BCL2L13: variants seen among roughly 807,000 people sequenced by gnomAD.
BCL2L13 encodes BCL2 like 13, also known as bcl-2-like protein 13.
In BCL2L13, 13 loss-of-function variants were observed where a neutral mutation model predicts 25.8. The observed-to-expected ratio is 0.50, with a 90% CI of 0.33 to 0.80. The LOEUF (loss-of-function observed/expected upper bound fraction) is 0.80, where lower values mean the gene tolerates loss of function less well. Among genes scored for constraint, BCL2L13 ranks in the 30% least tolerant of loss-of-function variants. BCL2L13 has a pLI of 0.02. For synonymous variants in BCL2L13, 244 were observed against 230.3 expected, an observed-to-expected ratio of 1.06 and a Z score of -0.54; for missense variants, 504 against 574.9, an observed-to-expected ratio of 0.88 and a Z score of 1.26.
At chr22:17,684,597 C>G (rs891172162) in intron 3 of BCL2L13, 6 of 453,816 alleles carry the variant, frequency 1.3e-5, no homozygotes, top group African/African-American at 1.0e-4. Context: ...CAGTTTCGCT[C>G]TCATTGCCCA....
intron 1 of BCL2L13, among the ~76,000 whole-genome samples, chr22:17,645,530 G>A (rs1300968678): frequency 6.6e-6 from 1 of 151,294 alleles, no homozygotes; most frequent in Non-Finnish European, 1.5e-5. Flanking sequence ...GTTTATAGTA[G>A]GATTTAATAG....
chr22:17,635,876 A>AT (rs1200975520), upstream of BCL2L13, among the ~76,000 whole-genome samples: 4 of 418 alleles, frequency 9.6e-3, no homozygotes, highest in Non-Finnish European at 0.011. Context: ...TGCCCAGCTA[A>AT]TTTTTTGTAT....
Position 17,727,169 on chromosome 22 carries a change from A to G in BCL2L13, c.1093A>G (p.Ile365Val), listed in dbSNP as rs1170247117. 7 of 1,614,124 alleles carry G rather than the reference A, an allele frequency of 4.3e-6. No homozygotes were observed. In the East Asian group the frequency reaches 1.6e-4, roughly 36 times the overall value. Residue 365 changes from isoleucine to valine, a missense_variant, in exon 7 of 7, where the codon ATC becomes GTC. Physicochemically the swap from Ile to Val is conservative, Grantham distance 29. Coordinates refer to ENST00000317582, the MANE Select transcript of BCL2L13 (RefSeq NM_015367.4). ...GACAAGGGAACCTGACACAGAAGTG[A>G]TCACAGTTGAGAAATCCAGCCCTGC... ...LGTREPDTEVITVEKSSPATS... is the reference protein window; with the variant it reads ...LGTREPDTEVVTVEKSSPATS...
At chr22:17,663,924 C>T (rs2059154289) in intron 2 of BCL2L13, among the ~76,000 whole-genome samples, 1 of 152,090 alleles carries the variant, frequency 6.6e-6, no homozygotes, top group East Asian at 1.9e-4. Flanking sequence ...TCTTGGCTCA[C>T]TGCAACCTCC....
intron 3 of BCL2L13, among the ~76,000 whole-genome samples, chr22:17,687,563 C>A (rs992753652): frequency 6.6e-6 from 1 of 152,036 alleles, no homozygotes; most frequent in African/African-American, 2.4e-5. Flanking sequence ...GTCACCCAGG[C>A]TGGAGTGCAG....
intron 1 of BCL2L13, among the ~76,000 whole-genome samples, chr22:17,649,046 C>A (rs2058588260): frequency 6.6e-6 from 1 of 152,076 alleles, no homozygotes; most frequent in Non-Finnish European, 1.5e-5. Flanking sequence ...AGCTTGCTTC[C>A]TGCCTCAGCC....
At chr22:17,642,129 CTTTTTTTTTTTT>C (rs35772364) in intron 1 of BCL2L13, among the ~76,000 whole-genome samples, 4 of 67,654 alleles carry the variant, frequency 5.9e-5, no homozygotes, top group African/African-American at 1.2e-4. Flanking sequence ...TGGCTTCTCT[CTTTTTTTTTTTT>C]TTTTTTTTTG....
intron 2 of BCL2L13, among the ~76,000 whole-genome samples, chr22:17,657,140 G>A (rs1317791648): frequency 6.6e-6 from 1 of 151,988 alleles, no homozygotes; most frequent in Non-Finnish European, 1.5e-5. Context: ...GAGATTCTCC[G>A]TCTTTGGTGG....
At chr22:17,719,037 C>T (rs1045239995) in intron 6 of BCL2L13, among the ~76,000 whole-genome samples, 1 of 151,324 alleles carries the variant, frequency 6.6e-6, no homozygotes, top group Non-Finnish European at 1.5e-5. Context: ...GCCTGTAATC[C>T]CAGCTACTTG....
In BCL2L13 at chr22:17,687,839, A is replaced by G. The variant is rs371987125; in HGVS notation, c.230-1147A>G. Among the ~76,000 whole-genome samples, 577 of 117,844 alleles carry G rather than the reference A, an allele frequency of 4.9e-3. 4 individuals are homozygous for G. Among genetic ancestry groups the G allele is most frequent in the African/African-American group, 0.018 (555 of 31,506 alleles). The allele number at this position is 117,844 out of a possible 152,430, so 77.3% of individuals were successfully genotyped here. On this transcript the variant is annotated intron_variant, in intron 3 of 6. Transcript: ENST00000317582. ...GCCCCTTTTTTTTTTTTTTTTGAGA[A>G]GGAGTTTCACTCTTGTTGCCCAGGC...
At chr22:17,665,569 C>T (rs2059208778) in intron 2 of BCL2L13, among the ~76,000 whole-genome samples, 2 of 152,120 alleles carry the variant, frequency 1.3e-5, no homozygotes, top group African/African-American at 2.4e-5. Context: ...TTGTTTCCAC[C>T]TGGCCCCGCC....
At chr22:17,655,210 G>A (rs1367012618) in intron 1 of BCL2L13, among the ~76,000 whole-genome samples, 1 of 151,724 alleles carries the variant, frequency 6.6e-6, no homozygotes, top group African/African-American at 2.4e-5. Flanking sequence ...GTCTTCAGAG[G>A]CAGTAACACC....
rs201971444 is a variant in BCL2L13, at chr22:17,652,201, A to AT, written c.-50-3453dup. ...GTGCTTAAAACACATTAAGCAAAAA[A>AT]TTTTTTTTAAATTTTTTGTAGAAAT... On this transcript the variant is annotated intron_variant, in intron 1 of 6. Coordinates refer to ENST00000317582, the MANE Select transcript of BCL2L13 (RefSeq NM_015367.4). 9.9e-5 allele frequency among the ~76,000 whole-genome samples: 15 copies of AT among 151,758 alleles called. No individual in the cohort carries two copies. In the East Asian group the frequency reaches 2.5e-3, roughly 26 times the overall value.
chr22:17,683,424 C>A (rs2059814307), intron 3 of BCL2L13, 103 bp downstream of exon 3: 3 of 632,662 alleles, frequency 4.7e-6, no homozygotes, highest in Admixed American at 3.5e-5. Flanking sequence ...CAACAGTTAA[C>A]AACTTACACC....
At chr22:17,696,266 G>A (rs1430805338) in intron 5 of BCL2L13, 56 bp downstream of exon 5, 10 of 1,386,636 alleles carry the variant, frequency 7.2e-6, no homozygotes, top group African/African-American at 2.8e-5. Context: ...ATGATAAGAC[G>A]TAGGAGGAAT....
intron 2 of BCL2L13, among the ~76,000 whole-genome samples, chr22:17,659,119 A>G (rs946652103): frequency 7.0e-6 from 1 of 142,986 alleles, no homozygotes; most frequent in African/African-American, 2.5e-5. Flanking sequence ...TAATCCCAGC[A>G]CTTTGGAAGG....
At chr22:17,677,660 T>C (rs1271200802) in intron 2 of BCL2L13, among the ~76,000 whole-genome samples, 2 of 152,014 alleles carry the variant, frequency 1.3e-5, no homozygotes, top group Non-Finnish European at 2.9e-5. Flanking sequence ...GATCATGAGG[T>C]CAGGAGATCG....
chr22:17,692,622 A>C (rs2060136842), intron 4 of BCL2L13, among the ~76,000 whole-genome samples: 1 of 152,212 alleles, frequency 6.6e-6, no homozygotes, highest in Non-Finnish European at 1.5e-5. Flanking sequence ...TGCTGTATAC[A>C]TTTCATCATT....
intron 1 of BCL2L13, among the ~76,000 whole-genome samples, chr22:17,631,296 A>G (rs1346695491): frequency 6.6e-6 from 1 of 151,594 alleles, no homozygotes; most frequent in Non-Finnish European, 1.5e-5. Context: ...GGGTTTTGCC[A>G]CATTGGCCAG....
Sources: allele counts gnomAD v4.1 joint callset (sites outside exome capture counted in the v4.1 genomes callset), GRCh38; gene constraint gnomAD v4.1.1; transcripts MANE v1.5; gene names NCBI Gene and HGNC (gene_info 2026-07-23, HGNC 2026-07-21).